Variants in HMGCLL1 observed in about 807,000 individuals in gnomAD.
HMGCLL1 encodes the protein 3-hydroxymethyl-3-methylglutaryl-CoA lyase, cytoplasmic.
Under a neutral mutation model 39.1 loss-of-function variants are expected in HMGCLL1, and 36 were observed. The ratio of observed to expected loss-of-function variants is 0.92; its 90% CI spans 0.71 to 1.22. The LOEUF (loss-of-function observed/expected upper bound fraction) is 1.22. Ranked by LOEUF, HMGCLL1 falls within the 50% of genes most tolerant of loss-of-function variation. The probability of loss-of-function intolerance (pLI) is 0.00; values close to 1 mark genes in which losing one functional copy is unlikely to be tolerated. For missense variants in HMGCLL1, 451 were observed against 416.5 expected (o/e 1.08, Z -0.72); for synonymous variants, 149 against 144.0 (o/e 1.03, Z -0.25).
chr6:55,555,710 A>G (rs547385930), intron 1 of HMGCLL1, among the ~76,000 whole-genome samples: 1 of 152,344 alleles, frequency 6.6e-6, no homozygotes, highest in Admixed American at 6.5e-5. Context: ...AGAATTCACT[A>G]TACATGGTGT....
chr6:55,481,920 T>C (rs1765770305), intron 7 of HMGCLL1, among the ~76,000 whole-genome samples: 1 of 152,080 alleles, frequency 6.6e-6, no homozygotes, highest in Admixed American at 6.6e-5. Context: ...AATTGAACAT[T>C]TCAAGTTAAA....
At chr6:55,463,781 T>C (rs1245610836) in intron 7 of HMGCLL1, among the ~76,000 whole-genome samples, 1 of 152,228 alleles carries the variant, frequency 6.6e-6, no homozygotes, top group Non-Finnish European at 1.5e-5. Flanking sequence ...GTTTTTCTGC[T>C]CCACGTATTC....
At chr6:55,625,129 C>T in the HMGCLL1 span, among the ~76,000 whole-genome samples, 14 of 152,174 alleles carry the variant, frequency 9.2e-5, no homozygotes, top group Admixed American at 2.6e-4. Context: ...AAGGCCCAGC[C>T]GTCTTCTGCA....
At chr6:55,598,079 CTCAAGT>C in the HMGCLL1 span, among the ~76,000 whole-genome samples, 31 of 152,072 alleles carry the variant, frequency 2.0e-4, no homozygotes, top group Non-Finnish European at 3.7e-4. Context: ...CTAATCATAG[CTCAAGT>C]CATATAAGGT....
chr6:55,541,515 T>G (rs1769430640), intron 3 of HMGCLL1, among the ~76,000 whole-genome samples: 1 of 152,202 alleles, frequency 6.6e-6, no homozygotes, highest in African/African-American at 2.4e-5. Flanking sequence ...TTCATTATAT[T>G]GAACCATACT....
the HMGCLL1 span, among the ~76,000 whole-genome samples, chr6:55,661,948 T>G: frequency 6.6e-6 from 1 of 151,930 alleles, no homozygotes; most frequent in Non-Finnish European, 1.5e-5. Context: ...TTAGCTGCAT[T>G]CGTAGGTATA....
the HMGCLL1 span, among the ~76,000 whole-genome samples, chr6:55,667,063 G>T: frequency 6.6e-6 from 1 of 151,526 alleles, no homozygotes; most frequent in African/African-American, 2.4e-5. Flanking sequence ...TCTTGTGTTT[G>T]AAAAGAAGCA....
At chr6:55,619,844 C>T in the HMGCLL1 span, among the ~76,000 whole-genome samples, 8 of 152,064 alleles carry the variant, frequency 5.3e-5, no homozygotes, top group Admixed American at 3.3e-4. Context: ...ACACCGCCCC[C>T]GCTCCACTAC....
the HMGCLL1 span, among the ~76,000 whole-genome samples, chr6:55,586,550 C>A: frequency 5.3e-5 from 8 of 151,536 alleles, no homozygotes; most frequent in Non-Finnish European, 1.2e-4. Flanking sequence ...CCTCCTCCCC[C>A]CACCCTACAA....
intron 7 of HMGCLL1, among the ~76,000 whole-genome samples, chr6:55,454,427 G>A (rs1764237690): frequency 1.3e-5 from 2 of 152,228 alleles, no homozygotes; most frequent in Admixed American, 6.5e-5. Context: ...AAGGCTAAGT[G>A]AGATACCTAG....
intron 7 of HMGCLL1, among the ~76,000 whole-genome samples, chr6:55,484,699 C>G (rs569729564): frequency 5.9e-5 from 9 of 152,222 alleles, no homozygotes; most frequent in African/African-American, 2.2e-4. Context: ...GAAATCAATT[C>G]AAATTTAAAA....
At chr6:55,586,645 T>A in the HMGCLL1 span, among the ~76,000 whole-genome samples, 2 of 150,684 alleles carry the variant, frequency 1.3e-5, no homozygotes, top group Non-Finnish European at 3.0e-5. Flanking sequence ...ACATACGGTG[T>A]TTGGTTTTTT....
chr6:55,556,983 ATG>A (rs1770711301), intron 1 of HMGCLL1, among the ~76,000 whole-genome samples: 1 of 152,182 alleles, frequency 6.6e-6, no homozygotes, highest in Non-Finnish European at 1.5e-5. Context: ...AAATTGTTAA[ATG>A]TATTCAAAAC....
chr6:55,537,628 C>A (rs1358490145), intron 3 of HMGCLL1, among the ~76,000 whole-genome samples: 1 of 152,168 alleles, frequency 6.6e-6, no homozygotes, highest in Non-Finnish European at 1.5e-5. Context: ...TGTGGGCATT[C>A]ACACTCAGGG....
At chr6:55,603,729 G>A in the HMGCLL1 span, among the ~76,000 whole-genome samples, 24 of 152,150 alleles carry the variant, frequency 1.6e-4, no homozygotes, top group African/African-American at 5.8e-4. Flanking sequence ...TTAAGACAGT[G>A]AGCGTACTTA....
At chr6:55,601,673 T>C in the HMGCLL1 span, among the ~76,000 whole-genome samples, 1 of 152,274 alleles carries the variant, frequency 6.6e-6, no homozygotes, top group East Asian at 1.9e-4. Context: ...TTTTTCCTTG[T>C]AAGTCCATTC....
At chr6:55,506,801 C>T (rs951051481) in intron 5 of HMGCLL1, among the ~76,000 whole-genome samples, 4 of 150,908 alleles carry the variant, frequency 2.7e-5, no homozygotes, top group African/African-American at 9.7e-5. Flanking sequence ...CTGCAAAGTG[C>T]TTCCTTTAAG....
At chr6:55,675,323 A>C in the HMGCLL1 span, among the ~76,000 whole-genome samples, 1 of 152,158 alleles carries the variant, frequency 6.6e-6, no homozygotes, top group Admixed American at 6.6e-5. Flanking sequence ...GTTTCACCTA[A>C]TTGGCTTGTT....
At chr6:55,571,569 G>T (rs1581963953) in intron 1 of HMGCLL1, among the ~76,000 whole-genome samples, 1 of 152,110 alleles carries the variant, frequency 6.6e-6, no homozygotes, top group Non-Finnish European at 1.5e-5. Flanking sequence ...ACTTTGGGAG[G>T]CCGGGGCAGG....
Sources: gnomAD v4.1 joint callset for allele counts (sites outside exome capture counted in the v4.1 genomes callset) on GRCh38, gnomAD v4.1.1 for gene constraint, MANE v1.5 for transcripts, NCBI Gene and HGNC (gene_info 2026-07-23, HGNC 2026-07-21) for gene names.